Variants in IL1RAPL1 observed in about 807,000 individuals in gnomAD.
The protein encoded by IL1RAPL1 is interleukin-1 receptor accessory protein-like 1.
Under a neutral mutation model 48.4 loss-of-function variants are expected in IL1RAPL1, and 3 were observed. The observed-to-expected ratio is 0.06, with a 90% CI of 0.03 to 0.16. The LOEUF (loss-of-function observed/expected upper bound fraction) is 0.16, where lower values mean the gene tolerates loss of function less well. IL1RAPL1 is among the 10% of genes least tolerant of loss of function. The probability of loss-of-function intolerance (pLI) is 1.00; values close to 1 mark genes in which losing one functional copy is unlikely to be tolerated. For synonymous variants in IL1RAPL1, 185 were observed against 187.7 expected (o/e 0.99, Z 0.12); for missense variants, 349 against 530.6 (o/e 0.66, Z 3.36).
At chrX:29,805,811 A>C (rs922970311) in intron 6 of IL1RAPL1, among the ~76,000 whole-genome samples, 7 of 110,779 alleles carry the variant, frequency 6.3e-5, no homozygotes, top group African/African-American at 9.8e-5. Context: ...TGAGAAAAGA[A>C]GACAAGGAAA....
chrX:29,242,476 C>T (rs1931438739), intron 2 of IL1RAPL1, among the ~76,000 whole-genome samples: 1 of 112,085 alleles, frequency 8.9e-6, no homozygotes, highest in Admixed American at 9.5e-5. Context: ...ATTATGATTA[C>T]AGTCATATGA....
chrX:28,619,226 T>C (rs1934255212), intron 1 of IL1RAPL1, among the ~76,000 whole-genome samples: 1 of 111,357 alleles, frequency 9.0e-6, no homozygotes, highest in Non-Finnish European at 1.9e-5. Flanking sequence ...ATACAGAACA[T>C]GATGTAAAAT....
intron 1 of IL1RAPL1, among the ~76,000 whole-genome samples, chrX:28,773,749 G>A (rs1936332575): frequency 9.0e-6 from 1 of 111,682 alleles, no homozygotes; most frequent in Non-Finnish European, 1.9e-5. Flanking sequence ...TCATCCCCAT[G>A]AGTATACAAA....
rs147440162 is a variant in IL1RAPL1 at position 29,261,750 on chromosome X, G to T, written c.83-21188G>T. Among the ~76,000 whole-genome samples, 121 of 110,844 alleles carry T rather than the reference G, an allele frequency of 1.1e-3. 1 individual carries two copies. Among genetic ancestry groups the T allele is most frequent in the African/African-American group, 3.9e-3 (119 of 30,512 alleles). On this transcript the variant is annotated intron_variant, in intron 2 of 10. Transcript: ENST00000378993. ...TGTTTGGAATGTTCTTCTCGCACTT[G>T]CCATGTCTGGTTTCTTTTTGTTCTT...
chrX:29,557,820 A>C (rs1016785053), intron 5 of IL1RAPL1, among the ~76,000 whole-genome samples: 1 of 111,445 alleles, frequency 9.0e-6, no homozygotes, highest in Admixed American at 9.6e-5. Flanking sequence ...CTTCCAGGTT[A>C]ATCTGTGTTG....
intron 6 of IL1RAPL1, among the ~76,000 whole-genome samples, chrX:29,866,228 A>G (rs1021873619): frequency 9.0e-6 from 1 of 111,585 alleles, no homozygotes; most frequent in Admixed American, 9.5e-5. Flanking sequence ...TACGTCATTC[A>G]TTCATTCAAC....
At chrX:29,861,638 A>C (rs1038182587) in intron 6 of IL1RAPL1, among the ~76,000 whole-genome samples, 2 of 110,598 alleles carry the variant, frequency 1.8e-5, no homozygotes, top group African/African-American at 6.6e-5. Flanking sequence ...CTCACAACTC[A>C]CCGCTAAAGA....
At chrX:29,213,008 C>CT (rs1185025346) in intron 2 of IL1RAPL1, among the ~76,000 whole-genome samples, 2 of 108,926 alleles carry the variant, frequency 1.8e-5, no homozygotes, top group Admixed American at 9.7e-5. Flanking sequence ...TTTTTTTTTT[C>CT]TTTTTTTGAC....
At chrX:29,292,061 C>T (rs1322139374) in intron 3 of IL1RAPL1, among the ~76,000 whole-genome samples, 1 of 111,633 alleles carries the variant, frequency 9.0e-6, no homozygotes, top group Non-Finnish European at 1.9e-5. Context: ...CATATTACCA[C>T]AGACATTTTT....
chrX:29,462,547 C>T (rs932576569), intron 5 of IL1RAPL1, among the ~76,000 whole-genome samples: 4 of 111,319 alleles, frequency 3.6e-5, no homozygotes, highest in African/African-American at 1.3e-4. Flanking sequence ...CATGGGCATC[C>T]ATCATTCCCT....
At chrX:28,951,413 T>TAAA (rs58992212) in intron 2 of IL1RAPL1, among the ~76,000 whole-genome samples, 32 of 90,575 alleles carry the variant, frequency 3.5e-4, no homozygotes, top group African/African-American at 1.3e-3. Flanking sequence ...TGATAAATGG[T>TAAA]AAAAAAAAAA....
intron 2 of IL1RAPL1, among the ~76,000 whole-genome samples, chrX:29,121,461 C>T (rs1238021859): frequency 9.0e-6 from 1 of 111,582 alleles, no homozygotes; most frequent in Non-Finnish European, 1.9e-5. Flanking sequence ...CATGATAAGG[C>T]TGAAAAATTG....
chrX:29,407,549 G>C (rs757465335), intron 5 of IL1RAPL1, among the ~76,000 whole-genome samples: 1 of 111,541 alleles, frequency 9.0e-6, no homozygotes, highest in Non-Finnish European at 1.9e-5. Context: ...GTAATTTTTT[G>C]CTTATGTAAG....
Position 29,332,214 on chromosome X carries a change from G to C in IL1RAPL1, c.362+48997G>C, listed in dbSNP as rs747325627. ...TGAGAGAAGACTCTTCTCTCTTCCT[G>C]ACTGGGGTCCAAGTAGTCCTAATCC... On this transcript the variant is annotated intron_variant, in intron 3 of 10. Coordinates refer to ENST00000378993, the MANE Select transcript of IL1RAPL1 (RefSeq NM_014271.4). Among the ~76,000 whole-genome samples the C allele has an allele frequency of 1.8e-4, 13 of 71,082 alleles. No individual in the cohort carries two copies. The East Asian group carries it at 5.6e-3, about 31-fold the overall frequency. 61.7% of individuals were successfully genotyped at this position (71,082 alleles called of 115,157 possible).
chrX:29,125,102 C>T (rs1054867347), intron 2 of IL1RAPL1, among the ~76,000 whole-genome samples: 1 of 112,352 alleles, frequency 8.9e-6, no homozygotes, highest in Admixed American at 9.4e-5. Context: ...GTGTTTTCAA[C>T]GTTAATTCCT....
chrX:29,457,783 C>T (rs190233291), intron 5 of IL1RAPL1, among the ~76,000 whole-genome samples: 103 of 112,360 alleles, frequency 9.2e-4, no homozygotes, highest in African/African-American at 3.2e-3. Flanking sequence ...CTGCTTTCCA[C>T]AGGGGCTGAA....
At chrX:29,730,815 G>T (rs777047263) in intron 6 of IL1RAPL1, among the ~76,000 whole-genome samples, 5 of 111,525 alleles carry the variant, frequency 4.5e-5, no homozygotes, top group African/African-American at 1.3e-4. Context: ...TGGTACCCAG[G>T]TAGGTAAATC....
chrX:29,698,171 CTT>C (rs757165756), intron 6 of IL1RAPL1, among the ~76,000 whole-genome samples: 11 of 93,834 alleles, frequency 1.2e-4, no homozygotes, highest in Non-Finnish European at 4.3e-5. Context: ...CTGGAATGTT[CTT>C]TTTTTTTTTT....
At chrX:29,192,728 T>C (rs1416199189) in intron 2 of IL1RAPL1, among the ~76,000 whole-genome samples, 1 of 112,001 alleles carries the variant, frequency 8.9e-6, no homozygotes, top group African/African-American at 3.2e-5. Flanking sequence ...ATTCCTAATA[T>C]AAAACAGACA....
Sources: gnomAD v4.1 joint callset for allele counts (sites outside exome capture counted in the v4.1 genomes callset) on GRCh38, gnomAD v4.1.1 for gene constraint, MANE v1.5 for transcripts, NCBI Gene and HGNC (gene_info 2026-07-23, HGNC 2026-07-21) for gene names.